The following NEDD9 variants were observed in gnomAD, a reference collection of about 807,000 sequenced individuals.
NEDD9 encodes the protein neural precursor cell expressed, developmentally down-regulated 9, also known as enhancer of filamentation 1.
A neutral mutation model predicts 76.6 loss-of-function variants in NEDD9; 26 were observed. The ratio of observed to expected loss-of-function variants is 0.34; its 90% CI spans 0.25 to 0.47. NEDD9 has a LOEUF of 0.47. NEDD9 is among the 20% of genes least tolerant of loss of function. NEDD9 has a pLI of 1.00. For missense variants in NEDD9, 937 were observed against 1,058.5 expected (o/e 0.89, Z 1.59); for synonymous variants, 392 against 414.2 (o/e 0.95, Z 0.65).
chr6:11,187,328 A>T (rs1435768567), intron 6 of NEDD9, among the ~76,000 whole-genome samples: 1 of 152,042 alleles, frequency 6.6e-6, no homozygotes, highest in Admixed American at 6.5e-5. Flanking sequence ...ATCTCTCTTT[A>T]TTTGTATGCC....
intron 3 of NEDD9, among the ~76,000 whole-genome samples, chr6:11,304,399 G>A (rs1471042934): frequency 1.6e-4 from 24 of 152,168 alleles, no homozygotes; most frequent in African/African-American, 2.4e-4. Context: ...ACAATGTGGC[G>A]GTTCCTCAAG....
In NEDD9 at chr6:11,190,463, G is replaced by A; in HGVS notation, c.1406C>T (p.Ala469Val). 6.2e-7 allele frequency: 1 copy of A among 1,614,212 alleles called. No homozygotes were observed. Among genetic ancestry groups the A allele is most frequent in the Non-Finnish European group, 8.5e-7 (1 of 1,180,024 alleles). The change falls in exon 5 of 7, where the codon GCT becomes GTT. Residue 469 changes from alanine (A) to valine (V), a missense_variant. Ala to Val is a moderately conservative substitution (Grantham distance 64). Transcript: ENST00000379446. The surrounding 1 kb of genome is among the most constrained non-coding windows in gnomAD (Gnocchi z 5.8). ...CGGGAGGCAGGCAGCATTTGCAACAGCTCCCTTGACAAAGTGGAGGTACTC... is the reference window on the plus strand; with the variant it reads ...CGGGAGGCAGGCAGCATTTGCAACAACTCCCTTGACAAAGTGGAGGTACTC... Reference protein sequence around the residue: ...LKEYLHFVKGAVANAACLPEL... With the variant: ...LKEYLHFVKGVVANAACLPEL...
intron 2 of NEDD9, among the ~76,000 whole-genome samples, chr6:11,325,067 T>C (rs1477856612): frequency 6.6e-6 from 1 of 152,152 alleles, no homozygotes; most frequent in African/African-American, 2.4e-5. Context: ...AGAACGTGCA[T>C]GTATCAGGCC....
chr6:11,375,282 G>A (rs1762953507), intron 1 of NEDD9, among the ~76,000 whole-genome samples: 1 of 152,190 alleles, frequency 6.6e-6, no homozygotes, highest in Non-Finnish European at 1.5e-5. Flanking sequence ...GCAAGTCTTG[G>A]AAGAATGCTT....
chr6:11,294,307 C>A (rs774822481), intron 3 of NEDD9, among the ~76,000 whole-genome samples: 3 of 152,216 alleles, frequency 2.0e-5, no homozygotes, highest in Middle Eastern at 3.4e-3. Context: ...TGTCTCTACC[C>A]AAATCTCATG....
chr6:11,377,679 A>G (rs1762989612), intron 1 of NEDD9, among the ~76,000 whole-genome samples: 1 of 152,206 alleles, frequency 6.6e-6, no homozygotes, highest in African/African-American at 2.4e-5. Context: ...TTTGTACTTG[A>G]TGCTGGAATC....
At chr6:11,376,452 A>C (rs541978650) in intron 1 of NEDD9, among the ~76,000 whole-genome samples, 1 of 152,304 alleles carries the variant, frequency 6.6e-6, no homozygotes, top group South Asian at 2.1e-4. Flanking sequence ...GGGAAATGGA[A>C]TGGGGTCATT....
intron 1 of NEDD9, among the ~76,000 whole-genome samples, chr6:11,368,981 C>T (rs575702736): frequency 1.2e-4 from 18 of 152,276 alleles, no homozygotes; most frequent in African/African-American, 3.6e-4. Context: ...TCAAAACCAC[C>T]GGTGAGGTAG....
intron 4 of NEDD9, among the ~76,000 whole-genome samples, chr6:11,192,005 AAACAAAATGT>A (rs1408837652): frequency 1.3e-5 from 2 of 152,204 alleles, no homozygotes; most frequent in African/African-American, 4.8e-5. Context: ...ACCCTGTCTC[AAACAAAATGT>A]AACAAAACAA....
chr6:11,265,829 A>G (rs1037329647), intron 3 of NEDD9, among the ~76,000 whole-genome samples: 3 of 152,220 alleles, frequency 2.0e-5, no homozygotes, highest in African/African-American at 4.8e-5. Flanking sequence ...TGGTATATAA[A>G]TGCAATGGAA....
chr6:11,240,082 T>C (rs1271189940), intron 3 of NEDD9, among the ~76,000 whole-genome samples: 1 of 149,934 alleles, frequency 6.7e-6, no homozygotes, highest in Non-Finnish European at 1.5e-5. Context: ...TTTCTGCAGA[T>C]GGAGGTGGAG....
chr6:11,271,974 G>A (rs1171314262), intron 3 of NEDD9: 4 of 152,190 alleles, frequency 2.6e-5, no homozygotes, highest in African/African-American at 4.8e-5. Context: ...TCCCTTCTCT[G>A]AAAGCATGTT....
In NEDD9 at chr6:11,185,330, G is replaced by A. The variant is rs1261496669; in HGVS notation, c.2337C>T (p.Ser779=). 6.2e-7 allele frequency: 1 copy of A among 1,614,196 alleles called. No homozygotes were observed. The highest frequency in any genetic ancestry group is 1.3e-5 in the African/African-American group (1 of 75,032). ...AQDIRNKVMN[S]SNQLCEQLKT... ...TGAGCTGCTCGCAGAGCTGGTTGCT[G>A]GAGTTCATGACTTTGTTGCGAATGT... The change falls in exon 7 of 7, where the codon TCC becomes TCT. Residue 779 remains serine, a synonymous_variant. Coordinates refer to ENST00000379446, the MANE Select transcript of NEDD9 (RefSeq NM_006403.4).
intron 1 of NEDD9, among the ~76,000 whole-genome samples, chr6:11,373,606 T>C (rs1762919695): frequency 6.6e-6 from 1 of 152,224 alleles, no homozygotes; most frequent in Non-Finnish European, 1.5e-5. Flanking sequence ...GCACCTAATA[T>C]GGTGCCTGGC....
chr6:11,313,574 AGATG>A (rs1438321530), intron 2 of NEDD9, among the ~76,000 whole-genome samples: 2 of 145,366 alleles, frequency 1.4e-5, no homozygotes. Context: ...ATAGATGAAT[AGATG>A]GATGGGTGGG....
chr6:11,201,511 A>C (rs1187131708), intron 2 of NEDD9, among the ~76,000 whole-genome samples: 2 of 152,198 alleles, frequency 1.3e-5, no homozygotes, highest in Non-Finnish European at 2.9e-5. Context: ...CAGTAAAAAA[A>C]CGAAGCAGAA....
At chr6:11,316,010 C>A (rs1021256671) in intron 2 of NEDD9, among the ~76,000 whole-genome samples, 19 of 152,160 alleles carry the variant, frequency 1.2e-4, no homozygotes, top group African/African-American at 4.6e-4. Context: ...TTGCTGGGCA[C>A]GTGGCTCTGA....
At chr6:11,276,233 G>C (rs1014092272) in intron 3 of NEDD9, among the ~76,000 whole-genome samples, 1 of 152,192 alleles carries the variant, frequency 6.6e-6, no homozygotes, top group African/African-American at 2.4e-5. Flanking sequence ...TTGATTAAGA[G>C]AAATGCCTGT....
chr6:11,215,077 G>A (rs535104294), intron 1 of NEDD9, among the ~76,000 whole-genome samples: 4 of 152,252 alleles, frequency 2.6e-5, no homozygotes, highest in African/African-American at 7.2e-5. Context: ...CCATTGCCAC[G>A]GGTCCTGTGT....
Sources: allele counts gnomAD v4.1 joint callset (sites outside exome capture counted in the v4.1 genomes callset), GRCh38; gene constraint gnomAD v4.1.1; non-coding constraint Gnocchi (gnomAD v3.1); transcripts MANE v1.5; gene names NCBI Gene and HGNC (gene_info 2026-07-23, HGNC 2026-07-21).